The following ZBTB16 variants were observed in gnomAD, a reference collection of about 807,000 sequenced individuals.
The protein encoded by ZBTB16 is zinc finger and BTB domain containing 16, also known as zinc finger and BTB domain-containing protein 16.
Under a neutral mutation model 56.8 loss-of-function variants are expected in ZBTB16, and 8 were observed. The observed-to-expected ratio is 0.14, with a 90% CI of 0.08 to 0.25. The LOEUF (loss-of-function observed/expected upper bound fraction) is 0.25. Ranked by LOEUF, ZBTB16 falls within the 10% of genes least tolerant of loss-of-function variation. The pLI, the probability that ZBTB16 is intolerant of heterozygous loss-of-function variation, is 1.00. For synonymous variants in ZBTB16, 363 were observed against 368.5 expected, an observed-to-expected ratio of 0.98 and a Z score of 0.17; for missense variants, 625 against 903.0, an observed-to-expected ratio of 0.69 and a Z score of 3.95.
intron 4 of ZBTB16, among the ~76,000 whole-genome samples, chr11:114,208,214 G>C (rs114409572): frequency 1.3e-5 from 2 of 152,184 alleles, no homozygotes; most frequent in Non-Finnish European, 2.9e-5. Context: ...CCACCTTGGG[G>C]ACTTGGGCCT....
Position 114,064,051 on chromosome 11 carries a change from G to A in ZBTB16, c.751G>A (p.Val251Met), listed in dbSNP as rs1170155591. 3 of 1,613,308 alleles carry A rather than the reference G, an allele frequency of 1.9e-6. No individual in the cohort carries two copies. Among genetic ancestry groups the A allele is most frequent in the East Asian group, 2.2e-5 (1 of 44,866 alleles). The change falls in exon 2 of 7, where the codon GTG becomes ATG. Residue 251 changes from valine to methionine, a missense_variant. Around this residue, in one of 6 missense-constraint regions of ZBTB16, gnomAD observed 384 missense variants for 393.5 expected, o/e 0.98. Transcript: ENST00000335953. This position sits in a 1 kb window ranked among gnomAD's most constrained non-coding sequence, Gnocchi z 4.2. Reference sequence around the variant, plus strand: ...GACGGAGATGATGCAGGTGGATGAGGTGCCCAGCCAGGACAGCCCTGGGGC... The same window carrying A: ...GACGGAGATGATGCAGGTGGATGAGATGCCCAGCCAGGACAGCCCTGGGGC... The part of the protein sequence containing the change: ...VKTEMMQVDE[V>M]PSQDSPGAAE...
rs1364742054 is a variant in ZBTB16 at position 114,214,445 on chromosome 11, C to T, written c.1453+27407C>T. On this transcript the variant is annotated intron_variant, in intron 4 of 6. Coordinates refer to ENST00000335953, the MANE Select transcript of ZBTB16 (RefSeq NM_006006.6). The stretch of plus-strand genomic sequence containing the variant: ...CCTTTTATGGCATACTGGCCAGGTA[C>T]TCAGCTAAGTTTATTATTTAGTTGT... 6.6e-5 allele frequency among the ~76,000 whole-genome samples: 10 copies of T among 152,312 alleles called. No homozygotes were observed. The South Asian group carries it at 1.9e-3, about 28-fold the overall frequency.
chr11:114,154,098 C>T (rs898597787), intron 2 of ZBTB16, among the ~76,000 whole-genome samples: 6 of 152,176 alleles, frequency 3.9e-5, no homozygotes, highest in East Asian at 1.9e-4. Context: ...GTTACCCAAA[C>T]CAAGAGTGTT....
intron 4 of ZBTB16, among the ~76,000 whole-genome samples, chr11:114,190,779 A>G (rs1943474579): frequency 6.6e-6 from 1 of 152,120 alleles, no homozygotes; most frequent in Admixed American, 6.6e-5. Context: ...ACACATGTGT[A>G]TACATACACA....
intron 2 of ZBTB16, among the ~76,000 whole-genome samples, chr11:114,141,052 A>G (rs1285422752): frequency 1.3e-5 from 2 of 151,766 alleles, no homozygotes; most frequent in African/African-American, 4.8e-5. Context: ...TCATCAGCCC[A>G]CTCTACCGCC....
rs1565622456 is a variant in ZBTB16, at chr11:114,095,255, T to TTTTTTC, written c.1268+30692_1268+30693insCTTTTT. Among the ~76,000 whole-genome samples, 283 of 83,680 alleles carry TTTTTTC rather than the reference T, an allele frequency of 3.4e-3. 1 individual carries two copies. The highest frequency in any genetic ancestry group is 0.021 in the African/African-American group (271 of 13,064). 54.9% of individuals were successfully genotyped at this position (83,680 alleles called of 152,430 possible). A position where few individuals can be genotyped will look rare whatever the true frequency, so the allele number is the denominator to read the frequency against. On this transcript the variant is annotated intron_variant, in intron 2 of 6. Transcript: ENST00000335953. ...CTTTTCTTTTCTTTTCTTTTTTTTT[T>TTTTTTC]TTTTTTTTTTTTTTTTGTGATGGAG...
intron 2 of ZBTB16, among the ~76,000 whole-genome samples, chr11:114,155,523 T>C (rs904950829): frequency 6.6e-6 from 1 of 152,226 alleles, no homozygotes; most frequent in Non-Finnish European, 1.5e-5. Flanking sequence ...CGGTTGTTAC[T>C]GGGACCTTGG....
chr11:114,201,547 C>T (rs1320063054), intron 4 of ZBTB16, among the ~76,000 whole-genome samples: 1 of 152,126 alleles, frequency 6.6e-6, no homozygotes. Flanking sequence ...CTAAGCTTTC[C>T]TTAGGGATGC....
Position 114,060,698 on chromosome 11 carries a change from G to C in ZBTB16, c.-91+816G>C, listed in dbSNP as rs1938798765. 1 of 152,304 alleles carries C rather than the reference G, an allele frequency of 6.6e-6. No homozygotes were observed. Among genetic ancestry groups the C allele is most frequent in the Admixed American group, 6.5e-5 (1 of 15,286 alleles). 9.4% of individuals were successfully genotyped at this position (152,304 alleles called of 1,614,324 possible). On this transcript the variant is annotated intron_variant, in intron 1 of 6. Coordinates refer to ENST00000335953, the MANE Select transcript of ZBTB16 (RefSeq NM_006006.6). The surrounding 1 kb of genome is among the most constrained non-coding windows in gnomAD (Gnocchi z 6.0). ...TCCCGCACGCGCTTGAAATGCGCAC[G>C]GTCCCGCCGGCCCGCGGAACCACCC...
At chr11:114,092,393 G>A (rs146375708) in intron 2 of ZBTB16, among the ~76,000 whole-genome samples, 85 of 152,292 alleles carry the variant, frequency 5.6e-4, no homozygotes, top group Middle Eastern at 3.4e-3. Flanking sequence ...GTGGTCTGGG[G>A]TTGGGGCGGG....
intron 4 of ZBTB16, among the ~76,000 whole-genome samples, chr11:114,229,512 C>T (rs766930713): frequency 6.6e-6 from 1 of 152,172 alleles, no homozygotes; most frequent in Non-Finnish European, 1.5e-5. Flanking sequence ...GAAGTATACC[C>T]GGCTGCTTCT....
chr11:114,176,666 G>A (rs1245442487), intron 3 of ZBTB16, among the ~76,000 whole-genome samples: 2 of 152,162 alleles, frequency 1.3e-5, no homozygotes, highest in Non-Finnish European at 1.5e-5. Context: ...TGCCATGAGC[G>A]CCCAGCTTCT....
At position 114,256,254 on chromosome 11, in the gene ZBTB16, A is replaced by G. The variant is rs540628520; in HGVS notation, c.*5699A>G. On this transcript the variant is annotated 3_prime_UTR_variant, in exon 7 of 7. Transcript: ENST00000335953. ...TTAATATCGTATGATCCTTGGTACA[A>G]TGTGCTAGGTAGGCACTTGTTCACT... 4.3e-4 allele frequency among the ~76,000 whole-genome samples: 65 copies of G among 152,344 alleles called. No homozygotes were observed. The highest frequency in any genetic ancestry group is 1.5e-3 in the African/African-American group (61 of 41,586).
rs1291261733 is a variant in ZBTB16 at position 114,064,277 on chromosome 11, C to T, written c.977C>T (p.Pro326Leu). The T allele has an allele frequency of 9.3e-6, 15 of 1,614,002 alleles. No individual in the cohort carries two copies. The highest frequency in any genetic ancestry group is 1.7e-5 in the Admixed American group (1 of 60,006). Residue 326 changes from proline (P) to leucine (L), a missense_variant, in exon 2 of 7, where the codon CCG becomes CTG. By Grantham distance (98) the Pro-to-Leu change is moderately conservative (BLOSUM62 -3). Transcript: ENST00000335953. The surrounding 1 kb of genome is among the most constrained non-coding windows in gnomAD (Gnocchi z 4.2). ...GGCCGACCTGAGCACCCAGCACCCCCGCCTGAGAAGCATCTGGGCATCTAC... is the reference window on the plus strand; with the variant it reads ...GGCCGACCTGAGCACCCAGCACCCCTGCCTGAGAAGCATCTGGGCATCTAC... ...PTGRPEHPAPPPEKHLGIYSV... is the reference protein window; with the variant it reads ...PTGRPEHPAPLPEKHLGIYSV...
At chr11:114,133,306 C>T (rs1446956912) in intron 2 of ZBTB16, among the ~76,000 whole-genome samples, 2 of 152,164 alleles carry the variant, frequency 1.3e-5, no homozygotes, top group African/African-American at 4.8e-5. Flanking sequence ...CCACCCCTGG[C>T]ACCTTGTGGT....
chr11:114,112,760 C>CTTTTTTT (rs398017637), intron 2 of ZBTB16, among the ~76,000 whole-genome samples: 4 of 133,126 alleles, frequency 3.0e-5, no homozygotes, highest in Non-Finnish European at 6.2e-5. Flanking sequence ...AGTTCATTTT[C>CTTTTTTT]TTTTTTTTTT....
intron 4 of ZBTB16, among the ~76,000 whole-genome samples, chr11:114,207,415 G>A (rs775316392): frequency 1.1e-4 from 17 of 151,950 alleles, no homozygotes; most frequent in Non-Finnish European, 2.1e-4. Context: ...CTGCTGCGTG[G>A]CCCAGAAGGT....
rs1938821639 is a variant in ZBTB16, at chr11:114,060,919, G to A, written c.-91+1037G>A. On this transcript the variant is annotated intron_variant, in intron 1 of 6. Transcript: ENST00000335953. This position sits in a 1 kb window ranked among gnomAD's most constrained non-coding sequence, Gnocchi z 6.0. ...CTTCTCGCCTTTCCTCCCACAACTC[G>A]CTGCGGGGCTTTTGTGCTTCCCCTT... Among the ~76,000 whole-genome samples the A allele has an allele frequency of 6.6e-6, 1 of 152,100 alleles. No individual in the cohort carries two copies. Among genetic ancestry groups the A allele is most frequent in the Non-Finnish European group, 1.5e-5 (1 of 67,988 alleles).
chr11:114,088,740 G>A (rs779522785), intron 2 of ZBTB16, among the ~76,000 whole-genome samples: 3 of 152,222 alleles, frequency 2.0e-5, no homozygotes, highest in Non-Finnish European at 4.4e-5. Context: ...CCAGAAGCAG[G>A]CCCAGACTCA....
Sources: gnomAD v4.1 joint callset for allele counts (sites outside exome capture counted in the v4.1 genomes callset) on GRCh38, gnomAD v4.1.1 for gene constraint, gnomAD v4.1.1 regional missense constraint, Gnocchi (gnomAD v3.1) non-coding constraint, MANE v1.5 for transcripts, NCBI Gene and HGNC (gene_info 2026-07-23, HGNC 2026-07-21) for gene names.